The following PIP5K1A variants were observed in gnomAD, a reference collection of about 807,000 sequenced individuals.
PIP5K1A encodes phosphatidylinositol 4-phosphate 5-kinase type-1 alpha.
A neutral mutation model predicts 72.9 loss-of-function variants in PIP5K1A; 46 were observed. That is an observed-to-expected ratio of 0.63 (90% confidence interval 0.50 to 0.81). The LOEUF (loss-of-function observed/expected upper bound fraction) is 0.81, where lower values mean the gene tolerates loss of function less well. Among genes scored for constraint, PIP5K1A ranks in the 30% least tolerant of loss-of-function variants. The pLI is 0.00. For missense variants in PIP5K1A, 458 were observed against 706.1 expected (o/e 0.65, Z 3.98); for synonymous variants, 228 against 255.1 (o/e 0.89, Z 1.01).
chr1:151,227,508 T>G (rs1359606479), intron 4 of PIP5K1A, 108 bp downstream of exon 4: 2 of 642,664 alleles, frequency 3.1e-6, no homozygotes, highest in Non-Finnish European at 5.5e-6. Context: ...TTTCTTGATC[T>G]CCTAAGCTTT....
Position 151,232,575 on chromosome 1 carries a change from A to G in PIP5K1A, c.511A>G (p.Ile171Val), listed in dbSNP as rs1423547472. 1 of 1,607,234 alleles carries G rather than the reference A, an allele frequency of 6.2e-7. No individual in the cohort carries two copies. Among genetic ancestry groups the G allele is most frequent in the Non-Finnish European group, 8.5e-7 (1 of 1,178,208 alleles). Reference sequence around the variant, plus strand: ...GTATTCCCTCTGCAGTGAGCCGCTGATTGAACTCTGTAGCTCTGGAGCTAG... The same window carrying G: ...GTATTCCCTCTGCAGTGAGCCGCTGGTTGAACTCTGTAGCTCTGGAGCTAG... ...YLYSLCSEPL[I>V]ELCSSGASGS... The change falls in exon 7 of 16, where the codon ATT (isoleucine) becomes GTT (valine). Residue 171 changes from isoleucine (I) to valine (V), a missense_variant. This residue lies in a region of PIP5K1A where 220 missense variants were observed against 442.6 expected (regional missense o/e 0.50). Coordinates refer to ENST00000368888, the MANE Select transcript of PIP5K1A (RefSeq NM_001135638.2).
At chr1:151,231,240 G>T (rs941724044) in intron 4 of PIP5K1A, among the ~76,000 whole-genome samples, 2 of 150,430 alleles carry the variant, frequency 1.3e-5, no homozygotes, top group Admixed American at 1.3e-4. Flanking sequence ...AAGGAATATT[G>T]GTTAATTTTA....
intron 1 of PIP5K1A, among the ~76,000 whole-genome samples, chr1:151,206,472 G>C (rs1685942464): frequency 6.6e-6 from 1 of 152,196 alleles, no homozygotes; most frequent in African/African-American, 2.4e-5. Context: ...GTGAGCAAAG[G>C]AAGTTGGCGA....
rs1690257146 is a variant in PIP5K1A at position 151,232,584 on chromosome 1, T to C, written c.520T>C (p.Cys174Arg). The C allele has an allele frequency of 6.2e-7, 1 of 1,609,428 alleles. No individual in the cohort carries two copies. Among genetic ancestry groups the C allele is most frequent in the Non-Finnish European group, 8.5e-7 (1 of 1,178,856 alleles). Residue 174 changes from cysteine (C) to arginine (R), a missense_variant, in exon 7 of 16, where the codon TGT becomes CGT. By Grantham distance (180) the Cys-to-Arg change is radical. Transcript: ENST00000368888. ...CTGCAGTGAGCCGCTGATTGAACTCTGTAGCTCTGGAGCTAGTGGTTCCCT... is the reference window on the plus strand; with the variant it reads ...CTGCAGTGAGCCGCTGATTGAACTCCGTAGCTCTGGAGCTAGTGGTTCCCT... ...SLCSEPLIEL[C>R]SSGASGSLFY...
chr1:151,198,661 C>T lies in PIP5K1A; in HGVS notation c.-336C>T, dbSNP rs1463289917. ...CGCTCCTTTGGGACTTTTCATGCCT[C>T]GTTTTTTTTTCAGATGTGGCTTGGT... is the stretch of plus-strand genomic sequence containing the variant. On this transcript the variant is annotated 5_prime_UTR_variant, in exon 1 of 16. Coordinates refer to ENST00000368888, the MANE Select transcript of PIP5K1A (RefSeq NM_001135638.2). 9.5e-6 allele frequency: 3 copies of T among 317,076 alleles called. No individual in the cohort carries two copies. Among genetic ancestry groups the T allele is most frequent in the Non-Finnish European group, 1.8e-5 (3 of 168,470 alleles). The allele number at this position is 317,076 out of a possible 1,614,324, so 19.6% of individuals were successfully genotyped here. A position where few individuals can be genotyped will look rare whatever the true frequency, so the allele number is the denominator to read the frequency against.
At chr1:151,213,135 C>G (rs1016708125) in intron 1 of PIP5K1A, among the ~76,000 whole-genome samples, 2 of 151,922 alleles carry the variant, frequency 1.3e-5, no homozygotes, top group Non-Finnish European at 1.5e-5. Flanking sequence ...GTGATTCCCC[C>G]GCCTTGGCCT....
rs1393567419 is a variant in PIP5K1A at position 151,236,152 on chromosome 1, G to C, written c.940-406G>C. On this transcript the variant is annotated intron_variant, in intron 8 of 15. Transcript: ENST00000368888. Reference sequence around the variant, plus strand: ...AAAAAAAAAAAATTTAGCCTTACAGGTTCACTGTAAGGCTAAATTAAATAA... The same window carrying C: ...AAAAAAAAAAAATTTAGCCTTACAGCTTCACTGTAAGGCTAAATTAAATAA... 4.7e-5 allele frequency among the ~76,000 whole-genome samples: 7 copies of C among 149,456 alleles called. No homozygotes were observed. The East Asian group carries it at 1.4e-3, about 30-fold the overall frequency.
chr1:151,241,848 A>T (rs1229615989), intron 12 of PIP5K1A, among the ~76,000 whole-genome samples: 3 of 151,348 alleles, frequency 2.0e-5, no homozygotes, highest in African/African-American at 7.3e-5. Flanking sequence ...ATTTCATCTG[A>T]TGGAAGTAAA....
intron 4 of PIP5K1A, among the ~76,000 whole-genome samples, chr1:151,228,959 G>A (rs1383841250): frequency 6.6e-6 from 1 of 151,410 alleles, no homozygotes; most frequent in African/African-American, 2.4e-5. Flanking sequence ...CCTGAGGTCA[G>A]GAGTCGGAGA....
rs28481469 is a variant in PIP5K1A, at chr1:151,211,730, C to T, written c.86-12515C>T. Among the ~76,000 whole-genome samples, 93 of 149,694 alleles carry T rather than the reference C, an allele frequency of 6.2e-4. 1 individual carries two copies. Among genetic ancestry groups the T allele is most frequent in the Middle Eastern group, 7.1e-3 (2 of 282 alleles). ...CTGAGGCGGGAGAATGGCATGAACC[C>T]GGGAGGCGGAGCTTGCAGTGAGCCA... On this transcript the variant is annotated intron_variant, in intron 1 of 15. Coordinates refer to ENST00000368888, the MANE Select transcript of PIP5K1A (RefSeq NM_001135638.2).
upstream of PIP5K1A, chr1:151,198,261 A>G (rs902491171): frequency 3.0e-5 from 11 of 362,648 alleles, no homozygotes; most frequent in African/African-American, 2.2e-4. Context: ...ACTCCCGCAG[A>G]GAGTTCTTTC....
intron 10 of PIP5K1A, 115 bp from the exon 11 acceptor site, chr1:151,239,015 T>C: frequency 1.4e-6 from 1 of 714,720 alleles, no homozygotes; most frequent in Non-Finnish European, 2.4e-6. Flanking sequence ...ATGTGCTTTC[T>C]CAGCTTCTGT....
chr1:151,237,355 C>T (rs1201360857), intron 9 of PIP5K1A, among the ~76,000 whole-genome samples: 1 of 151,954 alleles, frequency 6.6e-6, no homozygotes, highest in Non-Finnish European at 1.5e-5. Flanking sequence ...TGCATGTCTG[C>T]AAATTATATT....
At chr1:151,219,991 C>T (rs182033697) in intron 1 of PIP5K1A, among the ~76,000 whole-genome samples, 8 of 151,130 alleles carry the variant, frequency 5.3e-5, no homozygotes, top group Admixed American at 4.7e-4. Flanking sequence ...GTGCTCAATG[C>T]CTGTCTCTGT....
At chr1:151,232,447 C>A in intron 6 of PIP5K1A, 82 bp downstream of exon 6, 1 of 1,494,840 alleles carries the variant, frequency 6.7e-7, no homozygotes, top group Non-Finnish European at 9.3e-7. Flanking sequence ...TCCACAGTCT[C>A]GCTCTGGTTT....
At chr1:151,236,830 T>TTTC (rs958958279) in intron 9 of PIP5K1A, 67 bp downstream of exon 9, 2 of 1,076,548 alleles carry the variant, frequency 1.9e-6, no homozygotes, top group African/African-American at 3.3e-5. Flanking sequence ...TCTTTTTTTT[T>TTTC]TTTTTTTTTT....
At chr1:151,219,520 C>T (rs1474190602) in intron 1 of PIP5K1A, among the ~76,000 whole-genome samples, 5 of 150,484 alleles carry the variant, frequency 3.3e-5, no homozygotes, top group Admixed American at 6.6e-5. Context: ...AACCCCATCT[C>T]TACAAAAAAT....
intron 1 of PIP5K1A, among the ~76,000 whole-genome samples, chr1:151,201,913 C>G (rs1685270176): frequency 6.6e-6 from 1 of 152,064 alleles, no homozygotes; most frequent in African/African-American, 2.4e-5. Context: ...TCTTGATGGA[C>G]TATGGAAAGA....
intron 13 of PIP5K1A, 38 bp from the exon 14 acceptor site, chr1:151,242,400 G>T: frequency 6.2e-7 from 1 of 1,612,020 alleles, no homozygotes; most frequent in Non-Finnish European, 8.5e-7. Context: ...ATTTTTCCTT[G>T]TATTTACTGT....
Sources: gnomAD v4.1 joint callset for allele counts (sites outside exome capture counted in the v4.1 genomes callset) on GRCh38, gnomAD v4.1.1 for gene constraint, gnomAD v4.1.1 regional missense constraint, MANE v1.5 for transcripts, NCBI Gene and HGNC (gene_info 2026-07-23, HGNC 2026-07-21) for gene names.